Variants in ZFAT observed in about 807,000 individuals in gnomAD.
ZFAT encodes zinc finger protein ZFAT.
In ZFAT, 64 loss-of-function variants were observed where a neutral mutation model predicts 117.7. That is an observed-to-expected ratio of 0.54 (90% confidence interval 0.44 to 0.67). The LOEUF (loss-of-function observed/expected upper bound fraction) is 0.67. ZFAT is among the 30% of genes least tolerant of loss of function. The pLI is 0.00. For missense variants in ZFAT, 1,433 were observed against 1,584.5 expected (o/e 0.90, Z 1.62); for synonymous variants, 679 against 615.0 (o/e 1.10, Z -1.54).
At chr8:134,590,965 C>T (rs1362114977) in intron 7 of ZFAT, among the ~76,000 whole-genome samples, 3 of 152,198 alleles carry the variant, frequency 2.0e-5, no homozygotes, top group Middle Eastern at 3.4e-3. Flanking sequence ...CTGGGGAGCT[C>T]GAGAGTAGGG....
intron 15 of ZFAT, among the ~76,000 whole-genome samples, chr8:134,505,476 A>C (rs772946287): frequency 6.6e-6 from 1 of 152,168 alleles, no homozygotes; most frequent in Non-Finnish European, 1.5e-5. Context: ...GAATGTGTAA[A>C]TGTGATCACA....
chr8:134,530,497 C>T (rs1821327191), intron 12 of ZFAT, among the ~76,000 whole-genome samples: 3 of 152,316 alleles, frequency 2.0e-5, no homozygotes, highest in African/African-American at 7.2e-5. Context: ...TGTTCATACT[C>T]CACCATCCAT....
rs751285819 is a variant in ZFAT at position 134,565,389 on chromosome 8, T to G, written c.2920A>C (p.Thr974Pro). ...AGCAGCTGTGGCTTCTGGGCCGCTG[T>G]GTAGTCACACACCGTGCACTTAAAC... ...KQFKCTVCDYTAAQKPQLLRH... is the reference protein window; with the variant it reads ...KQFKCTVCDYPAAQKPQLLRH... Residue 974 changes from threonine to proline, a missense_variant, in exon 11 of 16, where the codon ACA becomes CCA. This residue lies in a region of ZFAT where 503 missense variants were observed against 543.4 expected (regional missense o/e 0.93). Coordinates refer to ENST00000377838, the MANE Select transcript of ZFAT (RefSeq NM_020863.4). 139 of 1,613,808 alleles carry G rather than the reference T, an allele frequency of 8.6e-5. No homozygotes were observed. Among genetic ancestry groups the G allele is most frequent in the Non-Finnish European group, 1.1e-4 (135 of 1,179,884 alleles).
intron 2 of ZFAT, among the ~76,000 whole-genome samples, chr8:134,656,509 C>G (rs539527398): frequency 1.8e-4 from 28 of 152,332 alleles, no homozygotes; most frequent in Non-Finnish European, 3.7e-4. Context: ...AACTTCCTAA[C>G]TTCCCAAAAA....
chr8:134,572,817 C>T (rs951532199), intron 10 of ZFAT, among the ~76,000 whole-genome samples: 1 of 150,590 alleles, frequency 6.6e-6, no homozygotes, highest in African/African-American at 2.4e-5. Context: ...AAAAAAAAAG[C>T]TGACTGTGGG....
At chr8:134,559,096 A>C (rs1823866059) in intron 11 of ZFAT, among the ~76,000 whole-genome samples, 1 of 152,212 alleles carries the variant, frequency 6.6e-6, no homozygotes, top group Non-Finnish European at 1.5e-5. Context: ...ATTCTTATTT[A>C]CTACGTTGCT....
At chr8:134,728,761 C>T in the ZFAT span, among the ~76,000 whole-genome samples, 1 of 152,300 alleles carries the variant, frequency 6.6e-6, no homozygotes, top group Admixed American at 6.5e-5. Context: ...GTTAAAATTG[C>T]AGAGTCTATA....
At chr8:134,539,943 A>G (rs1200676780) in intron 11 of ZFAT, among the ~76,000 whole-genome samples, 1 of 152,180 alleles carries the variant, frequency 6.6e-6, no homozygotes, top group African/African-American at 2.4e-5. Flanking sequence ...TTTTGAATCC[A>G]TATCTGTGAA....
At chr8:134,695,081 C>T (rs1020937835) in intron 1 of ZFAT, among the ~76,000 whole-genome samples, 10 of 152,176 alleles carry the variant, frequency 6.6e-5, no homozygotes, top group African/African-American at 2.2e-4. Context: ...GGGAGGGAGC[C>T]AGGCAGGGAG....
chr8:134,787,684 G>C, the ZFAT span, among the ~76,000 whole-genome samples: 1 of 151,928 alleles, frequency 6.6e-6, no homozygotes, highest in East Asian at 1.9e-4. Flanking sequence ...CATTTCTTCA[G>C]TTTGTTAATT....
At chr8:134,649,500 G>A (rs2131165713) in intron 2 of ZFAT, among the ~76,000 whole-genome samples, 1 of 152,212 alleles carries the variant, frequency 6.6e-6, no homozygotes, top group South Asian at 2.1e-4. Context: ...TAATAAACAA[G>A]TCCAGCAAAA....
chr8:134,648,285 T>C (rs533322703), intron 2 of ZFAT, among the ~76,000 whole-genome samples: 2 of 149,742 alleles, frequency 1.3e-5, no homozygotes, highest in Admixed American at 6.6e-5. Flanking sequence ...GCAAGCTAAA[T>C]CCAATACAAG....
chr8:134,623,691 G>A (rs998590919), intron 3 of ZFAT, among the ~76,000 whole-genome samples: 4 of 152,004 alleles, frequency 2.6e-5, no homozygotes, highest in African/African-American at 9.7e-5. Flanking sequence ...CACTTCCCAG[G>A]ATCACTGCAT....
At chr8:134,614,486 A>G (rs1828579316) in intron 3 of ZFAT, among the ~76,000 whole-genome samples, 2 of 152,020 alleles carry the variant, frequency 1.3e-5, no homozygotes, top group Non-Finnish European at 2.9e-5. Flanking sequence ...TTCTCCTTAC[A>G]CACACACAGA....
chr8:134,493,245 A>G (rs1224315401), intron 15 of ZFAT, among the ~76,000 whole-genome samples: 1 of 152,090 alleles, frequency 6.6e-6, no homozygotes. Flanking sequence ...CCTGTTTCCT[A>G]AGCCCCAGGC....
chr8:134,605,013 T>G (rs1050211085), intron 5 of ZFAT, among the ~76,000 whole-genome samples: 1 of 152,192 alleles, frequency 6.6e-6, no homozygotes, highest in Non-Finnish European at 1.5e-5. Context: ...CTTAGGAGAA[T>G]CTTTTGCTCT....
the ZFAT span, among the ~76,000 whole-genome samples, chr8:134,770,672 C>T: frequency 2.1e-4 from 32 of 152,276 alleles, no homozygotes; most frequent in African/African-American, 6.5e-4. Context: ...AAACTCTGAC[C>T]GCCGGTGAGC....
chr8:134,506,569 C>T (rs1330333823), intron 15 of ZFAT, among the ~76,000 whole-genome samples: 3 of 152,184 alleles, frequency 2.0e-5, no homozygotes, highest in Admixed American at 6.5e-5. Context: ...CTGCCAGCCC[C>T]GTACCAGGCC....
chr8:134,807,802 T>C, the ZFAT span, among the ~76,000 whole-genome samples: 2 of 151,308 alleles, frequency 1.3e-5, no homozygotes, highest in Non-Finnish European at 2.9e-5. Flanking sequence ...CCATTCTCTA[T>C]ATATCCAATG....
Sources: allele counts gnomAD v4.1 joint callset (sites outside exome capture counted in the v4.1 genomes callset), GRCh38; gene constraint gnomAD v4.1.1; regional missense constraint gnomAD v4.1.1; transcripts MANE v1.5; gene names NCBI Gene and HGNC (gene_info 2026-07-23, HGNC 2026-07-21).